The following RABGAP1L variants were observed in gnomAD, a reference collection of about 807,000 sequenced individuals.
RABGAP1L encodes RAB GTPase activating protein 1 like.
In RABGAP1L, 63 loss-of-function variants were observed where a neutral mutation model predicts 137.7. The ratio of observed to expected loss-of-function variants is 0.46; its 90% CI spans 0.37 to 0.56. RABGAP1L has a LOEUF of 0.56. Among genes scored for constraint, RABGAP1L ranks in the 20% least tolerant of loss-of-function variants. RABGAP1L has a pLI of 0.00. For missense variants in RABGAP1L, 1,095 were observed against 1,244.0 expected (o/e 0.88, Z 1.80); for synonymous variants, 431 against 433.7 (o/e 0.99, Z 0.08).
chr1:174,577,321 TTA>T (rs1237539685), intron 13 of RABGAP1L, among the ~76,000 whole-genome samples: 7 of 143,950 alleles, frequency 4.9e-5, no homozygotes, highest in East Asian at 4.0e-4. Context: ...ATAAATATAT[TTA>T]TATATATATA....
At chr1:174,629,712 A>T (rs966637921) in intron 13 of RABGAP1L, among the ~76,000 whole-genome samples, 1 of 152,112 alleles carries the variant, frequency 6.6e-6, no homozygotes, top group Non-Finnish European at 1.5e-5. Context: ...TTTAGTAGAG[A>T]CTGGGTTTCA....
chr1:174,325,440 C>T (rs1680354684), intron 11 of RABGAP1L, among the ~76,000 whole-genome samples: 1 of 152,178 alleles, frequency 6.6e-6, no homozygotes, highest in African/African-American at 2.4e-5. Context: ...AAAGTACCTT[C>T]ATAAAAGCTA....
intron 13 of RABGAP1L, among the ~76,000 whole-genome samples, chr1:174,547,660 A>G (rs1039101243): frequency 5.9e-5 from 9 of 152,150 alleles, no homozygotes; most frequent in South Asian, 2.1e-4. Flanking sequence ...ATAGGGCTTA[A>G]CTTTCTTTAA....
intron 14 of RABGAP1L, among the ~76,000 whole-genome samples, chr1:174,673,779 A>T (rs1267764376): frequency 6.6e-6 from 1 of 152,146 alleles, no homozygotes; most frequent in Non-Finnish European, 1.5e-5. Context: ...TCTTATATGG[A>T]CTGGGGTTCT....
At chr1:174,815,530 A>C (rs1690308112) in intron 19 of RABGAP1L, among the ~76,000 whole-genome samples, 1 of 152,150 alleles carries the variant, frequency 6.6e-6, no homozygotes, top group Admixed American at 6.5e-5. Flanking sequence ...TTACCCCCCA[A>C]AATAATCACT....
At chr1:174,420,554 A>G (rs1651136642) in intron 13 of RABGAP1L, among the ~76,000 whole-genome samples, 1 of 152,148 alleles carries the variant, frequency 6.6e-6, no homozygotes, top group Non-Finnish European at 1.5e-5. Flanking sequence ...ATCATTTAAG[A>G]CATCTCTAGT....
In RABGAP1L at chr1:174,631,857, T is replaced by A. The variant is rs1673417148; in HGVS notation, c.1711-5518T>A. Among the ~76,000 whole-genome samples, 4 of 150,668 alleles carry A rather than the reference T, an allele frequency of 2.7e-5. No individual in the cohort carries two copies. The Admixed American group carries it at 2.7e-4, about 10-fold the overall frequency. On this transcript the variant is annotated intron_variant, in intron 13 of 25. Transcript: ENST00000681986. ...CCTGACTCTTTATCCAATTTGCCAG[T>A]CTGTGTCTTTTAATTGGAGAATTTA...
At chr1:174,750,184 T>C (rs1195522998) in intron 17 of RABGAP1L, among the ~76,000 whole-genome samples, 1 of 152,214 alleles carries the variant, frequency 6.6e-6, no homozygotes, top group Non-Finnish European at 1.5e-5. Context: ...CTATCTGCTA[T>C]GTGATGCTAT....
intron 14 of RABGAP1L, among the ~76,000 whole-genome samples, chr1:174,672,281 CTTT>C (rs1256381168): frequency 2.9e-4 from 34 of 118,362 alleles, no homozygotes; most frequent in African/African-American, 3.0e-4. Context: ...TTTTTCCTTT[CTTT>C]TTTTTTTTTT....
At chr1:174,669,564 A>C (rs1258751047) in intron 14 of RABGAP1L, among the ~76,000 whole-genome samples, 1 of 152,170 alleles carries the variant, frequency 6.6e-6, no homozygotes, top group Admixed American at 6.5e-5. Flanking sequence ...TGCCCAGACC[A>C]ATGTCCTTGA....
chr1:174,800,033 C>T (rs1200414813), intron 18 of RABGAP1L: 5 of 1,160,762 alleles, frequency 4.3e-6, no homozygotes, highest in African/African-American at 1.6e-5. Context: ...CGTTTTTACA[C>T]ATGTATCTGA....
chr1:174,345,952 A>C (rs1682388918), intron 11 of RABGAP1L, among the ~76,000 whole-genome samples: 1 of 152,090 alleles, frequency 6.6e-6, no homozygotes, highest in Admixed American at 6.5e-5. Context: ...GGGTTTTATC[A>C]TGAAGGGATT....
chr1:174,967,301 T>G (rs1420692612), intron 20 of RABGAP1L, among the ~76,000 whole-genome samples: 3 of 150,782 alleles, frequency 2.0e-5, no homozygotes, highest in Non-Finnish European at 4.4e-5. Flanking sequence ...GTAGCTGGGA[T>G]CATGTGTGCA....
Position 174,551,001 on chromosome 1 carries a change from T to TATATATATATATATAC in RABGAP1L, c.1711-86359_1711-86358insCATATATATATATATA, listed in dbSNP as rs1558334482. ...ATATATACATATATATATATACACA[T>TATATATATATATATAC]ATATATATATATATATATATACATA... On this transcript the variant is annotated intron_variant, in intron 13 of 25. Transcript: ENST00000681986. Among the ~76,000 whole-genome samples, 79 of 95,894 alleles carry TATATATATATATATAC rather than the reference T, an allele frequency of 8.2e-4. 5 individuals carry two copies. The highest frequency in any genetic ancestry group is 3.6e-3 in the African/African-American group (70 of 19,452). 62.9% of individuals were successfully genotyped at this position (95,894 alleles called of 152,430 possible).
chr1:174,581,480 T>C (rs1314991756), intron 13 of RABGAP1L, among the ~76,000 whole-genome samples: 1 of 152,190 alleles, frequency 6.6e-6, no homozygotes, highest in African/African-American at 2.4e-5. Context: ...ATGTTGAGAA[T>C]AGGCAAATTT....
At position 174,391,498 on chromosome 1, in the gene RABGAP1L, G is replaced by GT. The variant is rs111769160; in HGVS notation, c.1560-2489dup. ...TGGCCGGCTAAGTTTTTTGTATTTT[G>GT]TTTTTTTTCTAGAGATGAGGTTTTG... On this transcript the variant is annotated intron_variant, in intron 12 of 25. Transcript: ENST00000681986. 7.9e-4 allele frequency among the ~76,000 whole-genome samples: 119 copies of GT among 151,574 alleles called. 2 individuals carry two copies. The South Asian group carries it at 0.021, about 27-fold the overall frequency.
intron 17 of RABGAP1L, among the ~76,000 whole-genome samples, chr1:174,735,631 A>G (rs866417759): frequency 0.019 from 2,804 of 149,982 alleles, 55 homozygotes; most frequent in Middle Eastern, 0.073. Context: ...AAAAAAAAAA[A>G]AAAAAAAAAA....
At chr1:174,861,858 C>T (rs1329065717) in intron 19 of RABGAP1L, among the ~76,000 whole-genome samples, 1 of 152,096 alleles carries the variant, frequency 6.6e-6, no homozygotes, top group Non-Finnish European at 1.5e-5. Flanking sequence ...ATTAATCCCT[C>T]ATGAGATATA....
chr1:174,257,439 A>G (rs995792357), intron 7 of RABGAP1L, among the ~76,000 whole-genome samples: 1 of 152,200 alleles, frequency 6.6e-6, no homozygotes, highest in Non-Finnish European at 1.5e-5. Context: ...ATGCCTAATT[A>G]TATATATGTT....
Sources: allele counts gnomAD v4.1 joint callset (sites outside exome capture counted in the v4.1 genomes callset), GRCh38; gene constraint gnomAD v4.1.1; transcripts MANE v1.5; gene names NCBI Gene and HGNC (gene_info 2026-07-23, HGNC 2026-07-21).